The following PLCXD3 variants were observed in gnomAD, a reference collection of about 807,000 sequenced individuals.
PLCXD3 encodes the protein phosphatidylinositol specific phospholipase C X domain containing 3.
In PLCXD3, 19 loss-of-function variants were observed where a neutral mutation model predicts 25.5. The observed-to-expected ratio is 0.75, with a 90% confidence interval of 0.52 to 1.09. The LOEUF (loss-of-function observed/expected upper bound fraction) is 1.09, where lower values mean the gene tolerates loss of function less well. PLCXD3 is among the 50% of genes least tolerant of loss of function. The probability of loss-of-function intolerance (pLI) is 0.00; values close to 1 mark genes in which losing one functional copy is unlikely to be tolerated. For missense variants in PLCXD3, 411 were observed against 388.1 expected (o/e 1.06, Z -0.50); for synonymous variants, 174 against 137.6 (o/e 1.26, Z -1.85).
At chr5:41,359,597 A>G (rs1476965364) in intron 2 of PLCXD3, among the ~76,000 whole-genome samples, 1 of 152,084 alleles carries the variant, frequency 6.6e-6, no homozygotes, top group Non-Finnish European at 1.5e-5. Flanking sequence ...AATTGAACTT[A>G]TTTGGATTTT....
chr5:41,465,248 A>T (rs376743107), intron 1 of PLCXD3, among the ~76,000 whole-genome samples: 1 of 149,334 alleles, frequency 6.7e-6, no homozygotes, highest in Admixed American at 6.7e-5. Flanking sequence ...CAGTAGTTTC[A>T]TGGAGGCCTC....
intron 1 of PLCXD3, among the ~76,000 whole-genome samples, chr5:41,491,443 A>G (rs925597985): frequency 2.2e-4 from 33 of 152,308 alleles, no homozygotes; most frequent in Middle Eastern, 6.8e-3. Flanking sequence ...GTAGATGTCT[A>G]TTAGGTCCAC....
intron 1 of PLCXD3, among the ~76,000 whole-genome samples, chr5:41,481,075 C>T (rs1580394592): frequency 8.0e-6 from 1 of 125,420 alleles, no homozygotes; most frequent in African/African-American, 3.2e-5. Context: ...GGAGAGAGTC[C>T]TGAAGAAATA....
At chr5:41,491,749 A>G (rs998499387) in intron 1 of PLCXD3, among the ~76,000 whole-genome samples, 15 of 151,944 alleles carry the variant, frequency 9.9e-5, no homozygotes, top group African/African-American at 3.4e-4. Context: ...AGAGACTAGG[A>G]TTGCAACCCC....
intron 2 of PLCXD3, among the ~76,000 whole-genome samples, chr5:41,314,763 A>G (rs1743240611): frequency 6.6e-6 from 1 of 152,186 alleles, no homozygotes; most frequent in African/African-American, 2.4e-5. Context: ...TGTAGGGCAC[A>G]TTAGGCCATT....
intron 2 of PLCXD3, among the ~76,000 whole-genome samples, chr5:41,341,398 T>C (rs1212845285): frequency 6.6e-6 from 1 of 152,176 alleles, no homozygotes; most frequent in East Asian, 1.9e-4. Context: ...TGAAAATACA[T>C]CATTCTACCT....
chr5:41,437,716 T>C (rs1267096634), intron 1 of PLCXD3, among the ~76,000 whole-genome samples: 1 of 152,152 alleles, frequency 6.6e-6, no homozygotes, highest in Non-Finnish European at 1.5e-5. Context: ...TGGTACGTAC[T>C]GGCAAAAAGT....
At chr5:41,493,797 G>T (rs1211525455) in intron 1 of PLCXD3, among the ~76,000 whole-genome samples, 4 of 152,326 alleles carry the variant, frequency 2.6e-5, no homozygotes, top group Non-Finnish European at 5.9e-5. Flanking sequence ...GAAAAGCGCA[G>T]TATTGGGGTG....
rs1437355015 is a variant in PLCXD3, at chr5:41,508,261, A to G, written c.103+2163T>C. 2.6e-5 allele frequency among the ~76,000 whole-genome samples: 4 copies of G among 152,108 alleles called. No individual in the cohort carries two copies. In the East Asian group the frequency reaches 7.7e-4, roughly 29 times the overall value. ...CCAAAATCTCTCACCTCAGGTTTTT[A>G]TTTTGTCCCAGGGCAGGAAAGGAAA... On this transcript the variant is annotated intron_variant, in intron 1 of 2. Transcript: ENST00000377801.
intron 2 of PLCXD3, among the ~76,000 whole-genome samples, chr5:41,350,657 C>A (rs1052488441): frequency 2.0e-5 from 3 of 152,160 alleles, no homozygotes; most frequent in Non-Finnish European, 4.4e-5. Flanking sequence ...AGGTGCAATT[C>A]TTTCCCAAGA....
At chr5:41,508,908 G>A (rs888664678) in intron 1 of PLCXD3, among the ~76,000 whole-genome samples, 1 of 152,216 alleles carries the variant, frequency 6.6e-6, no homozygotes, top group African/African-American at 2.4e-5. Context: ...TGCCTAGGTA[G>A]CAGAATAAGT....
At chr5:41,447,664 G>A (rs913777906) in intron 1 of PLCXD3, among the ~76,000 whole-genome samples, 3 of 152,206 alleles carry the variant, frequency 2.0e-5, no homozygotes, top group African/African-American at 4.8e-5. Flanking sequence ...AGATTGGGAC[G>A]GAGGCCTTAA....
chr5:41,313,644 G>C lies in PLCXD3; in HGVS notation c.939C>G (p.Val313=). Reference sequence around the variant, plus strand: ...AAGTGTTGGCTTCTCCTTCATCAAAGACATAGTTGAGCTTTATGACAGTGC... The same window carrying C: ...AAGTGTTGGCTTCTCCTTCATCAAACACATAGTTGAGCTTTATGACAGTGC... The part of the protein sequence containing the change: ...FISTVIKLNY[V]FDEGEANT The change falls in exon 3 of 3, where the codon GTC becomes GTG. Residue 313 remains valine (V), a synonymous_variant. Coordinates refer to ENST00000377801, the MANE Select transcript of PLCXD3 (RefSeq NM_001005473.3). 6.2e-7 allele frequency: 1 copy of C among 1,613,826 alleles called. No homozygotes were observed. The highest frequency in any genetic ancestry group is 1.1e-5 in the South Asian group (1 of 91,082).
intron 1 of PLCXD3, among the ~76,000 whole-genome samples, chr5:41,464,203 C>A (rs1192057471): frequency 6.6e-6 from 1 of 152,036 alleles, no homozygotes; most frequent in East Asian, 1.9e-4. Context: ...GCTCTGTAAT[C>A]TATAGCCTCA....
chr5:41,446,900 A>C (rs970127332), intron 1 of PLCXD3, among the ~76,000 whole-genome samples: 2 of 152,250 alleles, frequency 1.3e-5, no homozygotes, highest in African/African-American at 4.8e-5. Context: ...TTCTAGACAA[A>C]TGCTAAATTA....
chr5:41,339,133 G>A (rs7729454), intron 2 of PLCXD3, among the ~76,000 whole-genome samples: 12,868 of 152,152 alleles, frequency 0.085, 836 homozygotes, highest in East Asian at 0.35. Flanking sequence ...AGAGTCAACA[G>A]TAGTTTGCTA....
intron 1 of PLCXD3, among the ~76,000 whole-genome samples, chr5:41,402,448 C>T (rs532907494): frequency 6.6e-6 from 1 of 151,684 alleles, no homozygotes; most frequent in East Asian, 1.9e-4. Context: ...AACATGCTCT[C>T]AATAATTTTA....
At chr5:41,391,405 G>T (rs114767100) in intron 1 of PLCXD3, among the ~76,000 whole-genome samples, 1,780 of 152,262 alleles carry the variant, frequency 0.012, 40 homozygotes, top group African/African-American at 0.041. Flanking sequence ...TCAGAGTCAT[G>T]AGGTCCCCAT....
chr5:41,360,008 T>C (rs1744728492), intron 2 of PLCXD3, among the ~76,000 whole-genome samples: 2 of 152,226 alleles, frequency 1.3e-5, no homozygotes, highest in Admixed American at 1.3e-4. Context: ...AGTCACAAAC[T>C]TCTCGGAGCC....
Sources: gnomAD v4.1 joint callset for allele counts (sites outside exome capture counted in the v4.1 genomes callset) on GRCh38, gnomAD v4.1.1 for gene constraint, MANE v1.5 for transcripts, NCBI Gene and HGNC (gene_info 2026-07-23, HGNC 2026-07-21) for gene names.